Variants in LACTB2 observed in about 807,000 individuals in gnomAD.
LACTB2 encodes lactamase beta 2, also known as endoribonuclease LACTB2.
LACTB2 carries 32 observed loss-of-function variants against 34.8 expected under a neutral mutation model. The ratio of observed to expected loss-of-function variants is 0.92; its 90% confidence interval spans 0.69 to 1.24. The LOEUF is 1.24. Ranked by LOEUF, LACTB2 falls within the 50% of genes most tolerant of loss-of-function variation. The probability of loss-of-function intolerance (pLI) is 0.00; values close to 1 mark genes in which losing one functional copy is unlikely to be tolerated. For missense variants in LACTB2, 320 were observed against 345.0 expected (o/e 0.93, Z 0.57); for synonymous variants, 120 against 117.5 (o/e 1.02, Z -0.14).
At chr8:70,642,215 AT>A (rs963824245) in intron 4 of LACTB2, among the ~76,000 whole-genome samples, 3 of 152,222 alleles carry the variant, frequency 2.0e-5, no homozygotes, top group African/African-American at 7.2e-5. Flanking sequence ...CGCTTTAAAA[AT>A]AGCTGTCTTT....
intron 1 of LACTB2, among the ~76,000 whole-genome samples, chr8:70,663,968 T>G (rs1382806062): frequency 6.6e-6 from 1 of 152,226 alleles, no homozygotes; most frequent in Admixed American, 6.5e-5. Context: ...TGTACTGCAC[T>G]TAGCATTGTG....
At chr8:70,667,046 G>A (rs937513477) in intron 1 of LACTB2, among the ~76,000 whole-genome samples, 3 of 152,138 alleles carry the variant, frequency 2.0e-5, no homozygotes, top group Non-Finnish European at 4.4e-5. Context: ...AGATCACCTA[G>A]GTAGAGAATA....
At chr8:70,660,544 C>T (rs1424494030) in intron 2 of LACTB2, 6 of 450,384 alleles carry the variant, frequency 1.3e-5, no homozygotes, top group Non-Finnish European at 2.7e-5. Context: ...AATACTAGCT[C>T]AATGTAAATA....
chr8:70,639,749 G>T (rs970955095), intron 5 of LACTB2, among the ~76,000 whole-genome samples: 14 of 151,610 alleles, frequency 9.2e-5, no homozygotes, highest in African/African-American at 3.4e-4. Flanking sequence ...GATCACCTGA[G>T]GTCGGGAGTT....
At chr8:70,645,075 CACAT>C (rs1271582948) in intron 3 of LACTB2, among the ~76,000 whole-genome samples, 5 of 151,900 alleles carry the variant, frequency 3.3e-5, no homozygotes, top group Admixed American at 6.6e-5. Context: ...CACACACACA[CACAT>C]ATACACATAT....
At position 70,639,316 on chromosome 8, in the gene LACTB2, T is replaced by A. The variant is rs1264132314; in HGVS notation, c.742-687A>T. Among the ~76,000 whole-genome samples, 4 of 151,846 alleles carry A rather than the reference T, an allele frequency of 2.6e-5. No homozygotes were observed. In the East Asian group the frequency reaches 7.9e-4, roughly 30 times the overall value. On this transcript the variant is annotated intron_variant, in intron 5 of 6. Coordinates refer to ENST00000276590, the MANE Select transcript of LACTB2 (RefSeq NM_016027.3). ...CTAGGATTACAGGCGTGTGCCACCATGCCTCGCTAATTTTTGTATTTTTAG... is the reference window on the plus strand; with the variant it reads ...CTAGGATTACAGGCGTGTGCCACCAAGCCTCGCTAATTTTTGTATTTTTAG...
At chr8:70,660,074 G>A (rs1336359344) in intron 2 of LACTB2, 1 of 152,056 alleles carries the variant, frequency 6.6e-6, no homozygotes, top group Non-Finnish European at 1.5e-5. Context: ...AGAGTTGGCT[G>A]AGGTGACAAA....
chr8:70,648,791 A>G (rs1014626700), intron 3 of LACTB2, among the ~76,000 whole-genome samples: 8 of 152,088 alleles, frequency 5.3e-5, no homozygotes, highest in Non-Finnish European at 8.8e-5. Context: ...TTTTCCGATG[A>G]TGGGACTCAG....
At chr8:70,667,806 T>C (rs765526521) in intron 1 of LACTB2, among the ~76,000 whole-genome samples, 4 of 152,228 alleles carry the variant, frequency 2.6e-5, no homozygotes, top group Non-Finnish European at 4.4e-5. Flanking sequence ...ATCTCCAACA[T>C]GGTGTTCTTC....
chr8:70,641,195 T>G (rs1283952651), intron 4 of LACTB2, 145 bp from the exon 5 acceptor site: 9 of 741,288 alleles, frequency 1.2e-5, no homozygotes, highest in Non-Finnish European at 1.6e-5. Flanking sequence ...TTTGGAAAGC[T>G]ATACAGGTGA....
At chr8:70,648,701 CAT>C (rs1246036315) in intron 3 of LACTB2, among the ~76,000 whole-genome samples, 1 of 152,104 alleles carries the variant, frequency 6.6e-6, no homozygotes, top group Non-Finnish European at 1.5e-5. Flanking sequence ...AACTGAAGGA[CAT>C]GTTTCAAGAC....
At chr8:70,666,396 T>C (rs1818533250) in intron 1 of LACTB2, among the ~76,000 whole-genome samples, 1 of 152,028 alleles carries the variant, frequency 6.6e-6, no homozygotes, top group East Asian at 1.9e-4. Context: ...AAAGGATGAA[T>C]GAGATTAGCT....
Position 70,644,218 on chromosome 8 carries a change from C to T in LACTB2, c.439G>A (p.Asp147Asn), listed in dbSNP as rs1425561038. 1 of 1,590,980 alleles carries T rather than the reference C, an allele frequency of 6.3e-7. No individual in the cohort carries two copies. Residue 147 changes from aspartate (D) to asparagine (N), a missense_variant, in exon 4 of 7, where the codon GAT becomes AAT. Coordinates refer to ENST00000276590, the MANE Select transcript of LACTB2 (RefSeq NM_016027.3). The stretch of plus-strand genomic sequence containing the variant: ...TCTAAGAGTAGAGCCATGTGATCAT[C>T]AGTGTGGCCAGGGGTATATAGAACT... Reference protein sequence around the residue: ...LRVLYTPGHTDDHMALLLEEE... With the variant: ...LRVLYTPGHTNDHMALLLEEE...
chr8:70,669,145 T>C lies in LACTB2; in HGVS notation c.-25A>G. 2.5e-6 allele frequency: 4 copies of C among 1,611,352 alleles called. No individual in the cohort carries two copies. Among genetic ancestry groups the C allele is most frequent in the Non-Finnish European group, 3.4e-6 (4 of 1,178,910 alleles). Reference sequence around the variant, plus strand: ...TTCCCGCCTCAGCCGCCCGCCGGCGTGTCGCCTATCTGGATACTCCAGCGC... The same window carrying C: ...TTCCCGCCTCAGCCGCCCGCCGGCGCGTCGCCTATCTGGATACTCCAGCGC... On this transcript the variant is annotated 5_prime_UTR_variant, in exon 1 of 7. Coordinates refer to ENST00000276590, the MANE Select transcript of LACTB2 (RefSeq NM_016027.3).
chr8:70,652,901 A>ATGATAAC (rs11281440), intron 3 of LACTB2: 136,884 of 151,790 alleles, frequency 0.9, 62,209 homozygotes, highest in Middle Eastern at 0.97. Context: ...CCATGATTCT[A>ATGATAAC]TGTGATAAAC....
At chr8:70,653,350 C>T (rs528492531) in intron 3 of LACTB2, among the ~76,000 whole-genome samples, 1 of 152,274 alleles carries the variant, frequency 6.6e-6, no homozygotes, top group Non-Finnish European at 1.5e-5. Flanking sequence ...CTGCCTTGGC[C>T]TCCCAAAGTA....
intron 1 of LACTB2, among the ~76,000 whole-genome samples, chr8:70,666,389 G>A (rs541214424): frequency 6.6e-6 from 1 of 152,326 alleles, no homozygotes; most frequent in South Asian, 2.1e-4. Context: ...GTGCTCTAAA[G>A]GATGAATGAG....
intron 3 of LACTB2, among the ~76,000 whole-genome samples, chr8:70,644,745 G>GCTGGGATTACAGGCATTA (rs1468267056): frequency 2.0e-5 from 3 of 152,078 alleles, no homozygotes; most frequent in African/African-American, 7.2e-5. Flanking sequence ...CTCCCAAAGT[G>GCTGGGATTACAGGCATTA]CTGGGATTAC....
In LACTB2 at chr8:70,638,517, G is replaced by T. The variant is rs780917611; in HGVS notation, c.823+31C>A. ...ATCTGTAAAAATATTTTAAATGCTG[G>T]TAATAGAAGAAAATTTGGAAGCATA... On this transcript the variant is annotated intron_variant, in intron 6 of 6. Transcript: ENST00000276590. 4.6e-6 allele frequency: 7 copies of T among 1,516,946 alleles called. No homozygotes were observed. The South Asian group carries it at 8.7e-5, about 19-fold the overall frequency. The allele number at this position is 1,516,946 out of a possible 1,614,324, so 94.0% of individuals were successfully genotyped here. A position where few individuals can be genotyped will look rare whatever the true frequency, so the allele number is the denominator to read the frequency against.
Sources: gnomAD v4.1 joint callset for allele counts (sites outside exome capture counted in the v4.1 genomes callset) on GRCh38, gnomAD v4.1.1 for gene constraint, MANE v1.5 for transcripts, NCBI Gene and HGNC (gene_info 2026-07-23, HGNC 2026-07-21) for gene names.